Variants in CELF2 observed in about 807,000 individuals in gnomAD.
CELF2 encodes CUGBP Elav-like family member 2.
A neutral mutation model predicts 62.6 loss-of-function variants in CELF2; 8 were observed. That is an observed-to-expected ratio of 0.13 (90% CI 0.07 to 0.23). The LOEUF (loss-of-function observed/expected upper bound fraction) is 0.23. CELF2 is among the 10% of genes least tolerant of loss of function. CELF2 has a pLI of 1.00. For synonymous variants in CELF2, 258 were observed against 250.0 expected (o/e 1.03, Z -0.30); for missense variants, 333 against 671.0 (o/e 0.50, Z 5.56).
intron 1 of CELF2, chr10:11,071,549 C>T (rs143997015): frequency 6.6e-6 from 1 of 152,298 alleles, no homozygotes; most frequent in African/African-American, 2.4e-5. Flanking sequence ...GATTTTTCCA[C>T]TCAAAACCCA....
At chr10:10,533,452 T>C in the CELF2 span, among the ~76,000 whole-genome samples, 86 of 152,338 alleles carry the variant, frequency 5.6e-4, 1 homozygote, top group East Asian at 0.012. Flanking sequence ...ATACCTATTA[T>C]GGGTCATTAA....
At chr10:10,644,892 C>G in the CELF2 span, among the ~76,000 whole-genome samples, 1 of 152,124 alleles carries the variant, frequency 6.6e-6, no homozygotes, top group African/African-American at 2.4e-5. Flanking sequence ...TGGGGTTCAA[C>G]TTTTTCACAT....
the CELF2 span, among the ~76,000 whole-genome samples, chr10:10,491,767 T>C: frequency 5.6e-4 from 86 of 152,318 alleles, no homozygotes; most frequent in African/African-American, 1.9e-3. Context: ...TTCATCTAGC[T>C]GGTGCCAGTA....
chr10:10,910,745 G>A (rs2063745337), intron 1 of CELF2, among the ~76,000 whole-genome samples: 1 of 146,842 alleles, frequency 6.8e-6, no homozygotes, highest in Non-Finnish European at 1.5e-5. Flanking sequence ...AGAAACACAA[G>A]TAAATGTCTC....
At chr10:10,712,754 T>C in the CELF2 span, among the ~76,000 whole-genome samples, 3 of 152,226 alleles carry the variant, frequency 2.0e-5, no homozygotes, top group South Asian at 6.2e-4. Context: ...TCTCTCAGGC[T>C]ATGAGTCATC....
the CELF2 span, among the ~76,000 whole-genome samples, chr10:10,584,787 C>T: frequency 5.9e-5 from 9 of 152,106 alleles, no homozygotes; most frequent in Non-Finnish European, 8.8e-5. Context: ...AGTAGCCACA[C>T]GAAAGTCACA....
rs2051030237 is a variant in CELF2 at position 10,973,817 on chromosome 10, T to C, written c.89+53818T>C. Among the ~76,000 whole-genome samples, 9 of 152,248 alleles carry C rather than the reference T, an allele frequency of 5.9e-5. No homozygotes were observed. In the South Asian group the frequency reaches 1.9e-3, roughly 32 times the overall value. ...TTCTGCGCCCCAACTACCCTCCCCC[T>C]GCAGCCTCCCAAAGTGCTGGGATTA... On this transcript the variant is annotated intron_variant, in intron 2 of 13. Transcript: ENST00000636488.
chr10:10,509,016 T>C, the CELF2 span, among the ~76,000 whole-genome samples: 1 of 152,106 alleles, frequency 6.6e-6, no homozygotes, highest in African/African-American at 2.4e-5. Flanking sequence ...TGATCAAACA[T>C]CTTGAATCCC....
intron 1 of CELF2, among the ~76,000 whole-genome samples, chr10:11,056,671 G>T (rs557278361): frequency 6.6e-6 from 1 of 152,320 alleles, no homozygotes; most frequent in Admixed American, 6.5e-5. Context: ...TTTCTTGGTA[G>T]AAATGAGCCT....
Position 11,243,695 on chromosome 10 carries a change from T to G in CELF2, c.355-5458T>G, listed in dbSNP as rs547812096. On this transcript the variant is annotated intron_variant, in intron 3 of 12. Coordinates refer to ENST00000633077, the MANE Select transcript of CELF2 (RefSeq NM_001326342.2). The surrounding 1 kb of genome is among the most constrained non-coding windows in gnomAD (Gnocchi z 4.1). ...AGTCAGAGGCTGGTGTTTGTAAAATTCTTAGACTCGTCGAACAGCATAGAC... is the reference window on the plus strand; with the variant it reads ...AGTCAGAGGCTGGTGTTTGTAAAATGCTTAGACTCGTCGAACAGCATAGAC... 6.6e-6 allele frequency among the ~76,000 whole-genome samples: 1 copy of G among 152,300 alleles called. No individual in the cohort carries two copies. The highest frequency in any genetic ancestry group is 2.1e-4 in the South Asian group (1 of 4,826).
chr10:10,818,378 G>T (rs562538746), intron 1 of CELF2, among the ~76,000 whole-genome samples: 22 of 152,030 alleles, frequency 1.4e-4, no homozygotes, highest in African/African-American at 5.3e-4. Context: ...CAAAAGAAAG[G>T]TTTTTCTCAT....
the CELF2 span, among the ~76,000 whole-genome samples, chr10:10,752,203 C>T: frequency 4.6e-5 from 7 of 152,262 alleles, no homozygotes; most frequent in South Asian, 8.3e-4. Flanking sequence ...GGATCTGGTC[C>T]GTGGACACTA....
At chr10:10,743,524 T>C in the CELF2 span, among the ~76,000 whole-genome samples, 61,732 of 152,122 alleles carry the variant, frequency 0.41, 12,878 homozygotes, top group South Asian at 0.56. Flanking sequence ...AAACTCATAT[T>C]TGAGGATTCC....
chr10:11,048,953 C>T (rs1054989585), intron 1 of CELF2, among the ~76,000 whole-genome samples: 1 of 152,122 alleles, frequency 6.6e-6, no homozygotes. Context: ...TTTACAGCCC[C>T]GTCTTTGTCT....
intron 1 of CELF2, among the ~76,000 whole-genome samples, chr10:11,040,525 C>T (rs557952041): frequency 3.3e-4 from 50 of 152,236 alleles, no homozygotes; most frequent in Admixed American, 7.2e-4. Context: ...TATGTAGCGA[C>T]GCACTTCCAA....
rs2092319532 is a variant in CELF2, at chr10:11,290,348, T to C, written c.976+1796T>C. Reference sequence around the variant, plus strand: ...CCGTGACGGAAGCCATGGCGCGTGTTGAGGCAGAGGACAGAGCCAGTGGGT... The same window carrying C: ...CCGTGACGGAAGCCATGGCGCGTGTCGAGGCAGAGGACAGAGCCAGTGGGT... On this transcript the variant is annotated intron_variant, in intron 9 of 12. Coordinates refer to ENST00000633077, the MANE Select transcript of CELF2 (RefSeq NM_001326342.2). This position sits in a 1 kb window ranked among gnomAD's most constrained non-coding sequence, Gnocchi z 4.3. 6.6e-6 allele frequency among the ~76,000 whole-genome samples: 1 copy of C among 151,996 alleles called. No individual in the cohort carries two copies.
chr10:10,496,235 T>C, the CELF2 span, among the ~76,000 whole-genome samples: 21 of 152,356 alleles, frequency 1.4e-4, no homozygotes, highest in East Asian at 3.7e-3. Flanking sequence ...TTTCCTTCTA[T>C]GACAAGTTAC....
At chr10:11,037,966 G>A (rs2061233600) in intron 1 of CELF2, among the ~76,000 whole-genome samples, 1 of 65,550 alleles carries the variant, frequency 1.5e-5, no homozygotes, top group Non-Finnish European at 4.3e-5. Context: ...GGAAGCCGAA[G>A]TTTATGGAAA....
At chr10:11,275,934 C>T (rs536096946) in intron 8 of CELF2, among the ~76,000 whole-genome samples, 1 of 152,244 alleles carries the variant, frequency 6.6e-6, no homozygotes, top group South Asian at 2.1e-4. Context: ...TTCCTTGTTT[C>T]ATTCCAAAAA....
Sources: allele counts gnomAD v4.1 joint callset (sites outside exome capture counted in the v4.1 genomes callset), GRCh38; gene constraint gnomAD v4.1.1; non-coding constraint Gnocchi (gnomAD v3.1); transcripts MANE v1.5; gene names NCBI Gene and HGNC (gene_info 2026-07-23, HGNC 2026-07-21).